The following GABBR2 variants were observed in gnomAD, a reference collection of about 807,000 sequenced individuals.
GABBR2 encodes the protein G-protein coupled receptor 51.
GABBR2 carries 23 observed loss-of-function variants against 105.6 expected under a neutral mutation model. The observed-to-expected ratio is 0.22, with a 90% CI of 0.16 to 0.31. GABBR2 has a LOEUF of 0.31. GABBR2 is among the 10% of genes least tolerant of loss of function. The pLI, the probability that GABBR2 is intolerant of heterozygous loss-of-function variation, is 1.00. For synonymous variants in GABBR2, 478 were observed against 499.7 expected (o/e 0.96, Z 0.58); for missense variants, 734 against 1,245.5 (o/e 0.59, Z 6.18).
chr9:98,351,190 T>C (rs980318416), intron 13 of GABBR2, among the ~76,000 whole-genome samples: 1 of 152,124 alleles, frequency 6.6e-6, no homozygotes, highest in South Asian at 2.1e-4. Context: ...AATCCATTCA[T>C]CCAGTCTATG....
chr9:98,325,283 C>CCTT (rs1830901877), intron 13 of GABBR2, among the ~76,000 whole-genome samples: 2 of 67,618 alleles, frequency 3.0e-5, no homozygotes, highest in South Asian at 1.2e-3. Context: ...GACAGCAATT[C>CCTT]TTTTTTTTTT....
rs963350373 is a variant in GABBR2, at chr9:98,331,842, G to A, written c.1894-20637C>T. ...ATGCATACATTTTAACCACACATGC[G>A]GCAAGTTCACAGACTGCCTTGGAAT... On this transcript the variant is annotated intron_variant, in intron 13 of 18. Transcript: ENST00000259455. Among the ~76,000 whole-genome samples the A allele has an allele frequency of 5.3e-5, 8 of 152,280 alleles. No homozygotes were observed. The South Asian group carries it at 8.3e-4, about 16-fold the overall frequency.
At chr9:98,701,541 A>G (rs1343668236) in intron 1 of GABBR2, among the ~76,000 whole-genome samples, 1 of 152,120 alleles carries the variant, frequency 6.6e-6, no homozygotes, top group Non-Finnish European at 1.5e-5. Flanking sequence ...AGAGGGTGCT[A>G]ACTCAGAAAG....
At chr9:98,681,544 T>A (rs925713925) in intron 1 of GABBR2, among the ~76,000 whole-genome samples, 7 of 151,544 alleles carry the variant, frequency 4.6e-5, no homozygotes, top group African/African-American at 1.7e-4. Flanking sequence ...GTAACTAACC[T>A]GCACAATGTG....
chr9:98,411,223 T>C (rs1832586117), intron 7 of GABBR2, among the ~76,000 whole-genome samples: 1 of 152,176 alleles, frequency 6.6e-6, no homozygotes, highest in African/African-American at 2.4e-5. Context: ...TCCAAACTAA[T>C]AGTTCAGGTT....
At chr9:98,299,729 C>G (rs1830438540) in intron 16 of GABBR2, among the ~76,000 whole-genome samples, 1 of 152,088 alleles carries the variant, frequency 6.6e-6, no homozygotes, top group Non-Finnish European at 1.5e-5. Context: ...TTGTGAGAAC[C>G]CAGTCTCAAT....
At chr9:98,362,333 T>C (rs1210414819) in intron 13 of GABBR2, among the ~76,000 whole-genome samples, 1 of 152,238 alleles carries the variant, frequency 6.6e-6, no homozygotes, top group East Asian at 1.9e-4. Flanking sequence ...GAAAACAATA[T>C]AGTATCTAGA....
At chr9:98,320,471 T>A (rs1385204295) in intron 13 of GABBR2, among the ~76,000 whole-genome samples, 2 of 152,048 alleles carry the variant, frequency 1.3e-5, no homozygotes, top group Non-Finnish European at 2.9e-5. Flanking sequence ...AGCCATCCCA[T>A]TACTGGGTAT....
chr9:98,584,067 C>T (rs1284791025), intron 1 of GABBR2, among the ~76,000 whole-genome samples: 1 of 152,174 alleles, frequency 6.6e-6, no homozygotes, highest in African/African-American at 2.4e-5. Context: ...GCTCTCAGAG[C>T]CACTCTAAGT....
chr9:98,702,057 C>T (rs1830835162), intron 1 of GABBR2, among the ~76,000 whole-genome samples: 1 of 152,056 alleles, frequency 6.6e-6, no homozygotes, highest in African/African-American at 2.4e-5. Flanking sequence ...GTGTATCAGC[C>T]CCATTTCATC....
intron 9 of GABBR2, among the ~76,000 whole-genome samples, chr9:98,390,146 G>A (rs562985466): frequency 3.3e-5 from 5 of 152,238 alleles, no homozygotes; most frequent in Admixed American, 6.5e-5. Flanking sequence ...AGGCCAAGGC[G>A]GGTGGATCAC....
intron 3 of GABBR2, among the ~76,000 whole-genome samples, chr9:98,499,789 C>T (rs1249870123): frequency 6.6e-6 from 1 of 152,204 alleles, no homozygotes; most frequent in Non-Finnish European, 1.5e-5. Context: ...CGGTGGCTCA[C>T]GCCTGTAATC....
intron 2 of GABBR2, among the ~76,000 whole-genome samples, chr9:98,562,896 T>TC (rs1828695845): frequency 6.6e-6 from 1 of 151,196 alleles, no homozygotes; most frequent in South Asian, 2.1e-4. Flanking sequence ...ATGACGAAAC[T>TC]CCATCTCTAC....
chr9:98,407,337 C>T (rs902511649), intron 7 of GABBR2, among the ~76,000 whole-genome samples: 37 of 152,150 alleles, frequency 2.4e-4, no homozygotes, highest in Admixed American at 3.3e-4. Context: ...AAAGGGGGAT[C>T]GCTCAGCCTG....
At chr9:98,581,806 T>C (rs1455009171) in intron 1 of GABBR2, among the ~76,000 whole-genome samples, 2 of 152,226 alleles carry the variant, frequency 1.3e-5, no homozygotes, top group African/African-American at 4.8e-5. Context: ...GGATTTATAA[T>C]CAAAGTTGCA....
intron 1 of GABBR2, among the ~76,000 whole-genome samples, chr9:98,618,486 A>ATCTCTCTCTCTC (rs10611275): frequency 1.1e-3 from 154 of 145,176 alleles, no homozygotes; most frequent in African/African-American, 1.9e-3. Flanking sequence ...GGTCTGCTGC[A>ATCTCTCTCTCTC]TCTCTCTCTC....
chr9:98,438,893 T>C (rs57361340), intron 7 of GABBR2, among the ~76,000 whole-genome samples: 8,007 of 151,418 alleles, frequency 0.053, 425 homozygotes, highest in African/African-American at 0.14. Flanking sequence ...TCCCTCTCCC[T>C]TCTCTCTCTC....
chr9:98,623,039 T>C (rs1829690102), intron 1 of GABBR2, among the ~76,000 whole-genome samples: 1 of 152,182 alleles, frequency 6.6e-6, no homozygotes, highest in African/African-American at 2.4e-5. Context: ...AGGCTGTGCA[T>C]GTGTGGGAGG....
At chr9:98,554,258 G>A (rs1242760827) in intron 2 of GABBR2, among the ~76,000 whole-genome samples, 1 of 152,170 alleles carries the variant, frequency 6.6e-6, no homozygotes, top group Non-Finnish European at 1.5e-5. Flanking sequence ...CTACTTGGGA[G>A]GCTGAGGTAA....
Sources: gnomAD v4.1 joint callset for allele counts (sites outside exome capture counted in the v4.1 genomes callset) on GRCh38, gnomAD v4.1.1 for gene constraint, MANE v1.5 for transcripts, NCBI Gene and HGNC (gene_info 2026-07-23, HGNC 2026-07-21) for gene names.